Variants in VAV3 observed in about 807,000 individuals in gnomAD.
The protein encoded by VAV3 is guanine nucleotide exchange factor VAV3.
VAV3 carries 94 observed loss-of-function variants against 131.2 expected under a neutral mutation model. That is an observed-to-expected ratio of 0.72 (90% CI 0.61 to 0.85). The LOEUF is 0.85. Ranked by LOEUF, VAV3 falls within the 40% of genes least tolerant of loss-of-function variation. The probability of loss-of-function intolerance (pLI) is 0.00; values close to 1 mark genes in which losing one functional copy is unlikely to be tolerated. For synonymous variants in VAV3, 349 were observed against 342.0 expected, an observed-to-expected ratio of 1.02 and a Z score of -0.22; for missense variants, 939 against 1,002.7, an observed-to-expected ratio of 0.94 and a Z score of 0.86.
chr1:107,643,504 A>G lies in VAV3; in HGVS notation c.1778-749T>C, dbSNP rs574138646. Among the ~76,000 whole-genome samples the G allele has an allele frequency of 3.9e-5, 6 of 152,272 alleles. No homozygotes were observed. The South Asian group carries it at 1.2e-3, about 32-fold the overall frequency. On this transcript the variant is annotated intron_variant, in intron 19 of 26. Coordinates refer to ENST00000370056, the MANE Select transcript of VAV3 (RefSeq NM_006113.5). The stretch of plus-strand genomic sequence containing the variant: ...GCAGCAATACTGGTCACAATGGACA[A>G]CCTCACAGTCACTTATTCATTTACA...
chr1:107,602,940 C>T, intron 23 of VAV3, 107 bp downstream of exon 23: 1 of 782,680 alleles, frequency 1.3e-6, no homozygotes, highest in Non-Finnish European at 2.1e-6. Context: ...ATTATTTCTC[C>T]TTCAATTAGA....
intron 1 of VAV3, among the ~76,000 whole-genome samples, chr1:107,931,348 A>G (rs1436254649): frequency 6.6e-6 from 1 of 152,242 alleles, no homozygotes; most frequent in Non-Finnish European, 1.5e-5. Flanking sequence ...AATAATAATT[A>G]TACATTGAAT....
chr1:107,677,006 C>G (rs1002927975), intron 19 of VAV3, among the ~76,000 whole-genome samples: 3 of 152,028 alleles, frequency 2.0e-5, no homozygotes, highest in Non-Finnish European at 4.4e-5. Flanking sequence ...AATGAATGAG[C>G]CTCAAAGGAA....
At chr1:107,732,931 T>C (rs1277730404) in intron 15 of VAV3, among the ~76,000 whole-genome samples, 1 of 152,188 alleles carries the variant, frequency 6.6e-6, no homozygotes, top group African/African-American at 2.4e-5. Context: ...CTGACCCCCA[T>C]GTAGCCTAAC....
intron 3 of VAV3, chr1:107,777,615 G>A (rs1665439261): frequency 2.9e-6 from 1 of 339,708 alleles, no homozygotes; most frequent in Admixed American, 4.5e-5. Flanking sequence ...TACCTGCAGG[G>A]TCACCTCACC....
intron 20 of VAV3, among the ~76,000 whole-genome samples, chr1:107,626,589 T>C (rs1260891434): frequency 1.3e-5 from 2 of 152,152 alleles, no homozygotes; most frequent in Non-Finnish European, 2.9e-5. Context: ...ATGGGGTTAA[T>C]AAATCAGTGG....
intron 1 of VAV3, among the ~76,000 whole-genome samples, chr1:107,876,382 T>C (rs1445843851): frequency 1.3e-5 from 2 of 152,104 alleles, no homozygotes; most frequent in Non-Finnish European, 2.9e-5. Context: ...CTCCTGAGTT[T>C]TGCTGCAGAG....
chr1:107,803,167 G>T, intron 2 of VAV3, among the ~76,000 whole-genome samples: 1 of 151,714 alleles, frequency 6.6e-6, no homozygotes, highest in Non-Finnish European at 1.5e-5. Context: ...TTATTTCTGT[G>T]GTCTCAGTTG....
chr1:107,656,382 T>C (rs1168116118), intron 19 of VAV3, among the ~76,000 whole-genome samples: 2 of 152,280 alleles, frequency 1.3e-5, no homozygotes, highest in East Asian at 3.9e-4. Context: ...AAATATTGCA[T>C]GTTCTCCCTC....
At chr1:107,692,334 G>A (rs1389183803) in intron 17 of VAV3, among the ~76,000 whole-genome samples, 1 of 151,930 alleles carries the variant, frequency 6.6e-6, no homozygotes, top group African/African-American at 2.4e-5. Flanking sequence ...GGCTCTAATA[G>A]GAATACAACC....
intron 19 of VAV3, among the ~76,000 whole-genome samples, chr1:107,655,965 G>T (rs1436410150): frequency 6.6e-6 from 1 of 152,078 alleles, no homozygotes; most frequent in East Asian, 1.9e-4. Context: ...ACCAGTGAGG[G>T]TGTGGAGAAA....
intron 2 of VAV3, among the ~76,000 whole-genome samples, chr1:107,807,050 T>C (rs1008432491): frequency 6.6e-6 from 1 of 152,194 alleles, no homozygotes; most frequent in African/African-American, 2.4e-5. Context: ...TTTTTCCTCA[T>C]GTTTTCCATC....
chr1:107,894,806 C>G (rs534304754), intron 1 of VAV3, among the ~76,000 whole-genome samples: 1 of 152,268 alleles, frequency 6.6e-6, no homozygotes, highest in South Asian at 2.1e-4. Flanking sequence ...CATAGAAGTA[C>G]CCCTAATGAC....
chr1:107,835,465 C>A (rs779708816), intron 2 of VAV3, among the ~76,000 whole-genome samples: 6 of 152,074 alleles, frequency 3.9e-5, no homozygotes, highest in Non-Finnish European at 8.8e-5. Context: ...GTGAGATGTG[C>A]GGTTTGTGGG....
intron 1 of VAV3, among the ~76,000 whole-genome samples, chr1:107,890,209 C>A (rs1370068972): frequency 6.6e-6 from 1 of 152,092 alleles, no homozygotes; most frequent in Non-Finnish European, 1.5e-5. Context: ...CAGTGCTAAC[C>A]ATTACACTAT....
chr1:107,857,717 G>C (rs1398670572), intron 2 of VAV3, among the ~76,000 whole-genome samples: 3 of 152,066 alleles, frequency 2.0e-5, no homozygotes, highest in Admixed American at 6.6e-5. Context: ...CAGAATGAAA[G>C]GGGGGGAAGT....
intron 25 of VAV3, among the ~76,000 whole-genome samples, chr1:107,577,490 C>T (rs1649739643): frequency 6.6e-6 from 1 of 152,220 alleles, no homozygotes; most frequent in South Asian, 2.1e-4. Context: ...AGAGAGAAGG[C>T]TACATTTCTC....
At chr1:107,601,058 T>C (rs937041120) in intron 24 of VAV3, among the ~76,000 whole-genome samples, 18 of 152,286 alleles carry the variant, frequency 1.2e-4, no homozygotes, top group African/African-American at 4.3e-4. Context: ...CGTGCTTTTA[T>C]CATGTCTCAG....
intron 1 of VAV3, among the ~76,000 whole-genome samples, chr1:107,923,826 A>G (rs534089972): frequency 6.6e-6 from 1 of 152,294 alleles, no homozygotes; most frequent in African/African-American, 2.4e-5. Context: ...CACAAAGCCT[A>G]ACCATATCAA....
Sources: gnomAD v4.1 joint callset for allele counts (sites outside exome capture counted in the v4.1 genomes callset) on GRCh38, gnomAD v4.1.1 for gene constraint, MANE v1.5 for transcripts, NCBI Gene and HGNC (gene_info 2026-07-23, HGNC 2026-07-21) for gene names.